CFP: variants seen among roughly 807,000 people sequenced by gnomAD.
CFP encodes the protein properdin.
In CFP, 14 loss-of-function variants were observed where a neutral mutation model predicts 42.1. That is an observed-to-expected ratio of 0.33 (90% CI 0.22 to 0.52). The LOEUF (loss-of-function observed/expected upper bound fraction) is 0.52, where lower values mean the gene tolerates loss of function less well. Among genes scored for constraint, CFP ranks in the 20% least tolerant of loss-of-function variants. The pLI, the probability that CFP is intolerant of heterozygous loss-of-function variation, is 0.96. For missense variants in CFP, 318 were observed against 400.4 expected (o/e 0.79, Z 1.76); for synonymous variants, 149 against 160.6 (o/e 0.93, Z 0.54).
chrX:47,626,705 A>G (rs991221979), intron 6 of CFP, 68 bp downstream of exon 6: 3 of 1,134,322 alleles, frequency 2.6e-6, no homozygotes, highest in African/African-American at 3.6e-5. Flanking sequence ...CCTCAGCAGC[A>G]GGAGCTGGGC....
At position 47,629,591 on chromosome X, in the gene CFP, C is replaced by A; in HGVS notation, c.160G>T (p.Glu54Ter). ...KGLLGGGVSV[E>*]DCCLNTAFAY... ...AAGGCAGTGTTGAGACAGCAGTCTT[C>A]CACGCTGACACCACCCCCCAGGAGG... Residue 54 changes from glutamate to a stop codon, truncating the protein, a stop_gained, in exon 2 of 9, where the codon GAA (glutamate) becomes TAA (stop). Transcript: ENST00000396992. LOFTEE classifies it high-confidence loss of function. 1 of 1,161,468 alleles carries A rather than the reference C, an allele frequency of 8.6e-7. No homozygotes were observed. The highest frequency in any genetic ancestry group is 1.2e-6 in the Non-Finnish European group (1 of 867,861).
At chrX:47,629,228 T>C in intron 2 of CFP, 2 of 326,890 alleles carry the variant, frequency 6.1e-6, no homozygotes, top group Admixed American at 1.0e-4. Context: ...TGGCAATGTC[T>C]GCTGACATGT....
In CFP at chrX:47,624,072, C is replaced by T; in HGVS notation, c.*203G>A. 2.2e-6 allele frequency: 1 copy of T among 452,204 alleles called. No homozygotes were observed. Among genetic ancestry groups the T allele is most frequent in the East Asian group, 3.9e-5 (1 of 25,923 alleles). 37.3% of individuals were successfully genotyped at this position (452,204 alleles called of 1,213,427 possible). ...CGCTTTCACTCCTGCCAACCTGCGA[C>T]CACAGTGGAAAATACTGTTTTCCGC... On this transcript the variant is annotated 3_prime_UTR_variant, in exon 9 of 9. Transcript: ENST00000396992.
In CFP at chrX:47,627,651, A is replaced by G. The variant is rs2057975015; in HGVS notation, c.404-10T>C. The G allele has an allele frequency of 4.2e-6, 5 of 1,189,012 alleles. No individual in the cohort carries two copies. Among genetic ancestry groups the G allele is most frequent in the Non-Finnish European group, 5.7e-6 (5 of 882,893 alleles). ...GACCAGCCGCCCATCTCTGTGGGAG[A>G]GAAGAGAGGGTAATGGGATGGAGGT... On this transcript the variant is annotated splice_polypyrimidine_tract_variant and intron_variant, in intron 3 of 8. Transcript: ENST00000396992.
Position 47,626,877 on chromosome X carries a change from A to G in CFP, c.836T>C (p.Met279Thr). 2 of 1,204,977 alleles carry G rather than the reference A, an allele frequency of 1.7e-6. No individual in the cohort carries two copies. The highest frequency in any genetic ancestry group is 3.6e-5 in the South Asian group (2 of 55,810). Residue 279 changes from methionine (M) to threonine (T), a missense_variant, in exon 6 of 9, where the codon ATG (methionine) becomes ACG (threonine). By Grantham distance (81) the Met-to-Thr change is moderately conservative. Coordinates refer to ENST00000396992, the MANE Select transcript of CFP (RefSeq NM_001145252.3). ...CPVTCGLGQT[M>T]EQRTCNHPVP... ...AGGGTGATTGCACGTCCGTTGTTCC[A>G]TGGTCTGGCCCAGGCCACAGGTCAC...
intron 8 of CFP, chrX:47,625,754 A>C: frequency 2.9e-6 from 1 of 349,761 alleles, no homozygotes; most frequent in Admixed American, 4.4e-5. Context: ...CAGGCAGTGA[A>C]TGGAGGCCTG....
In CFP at chrX:47,627,268, G is replaced by A. The variant is rs2057972969; in HGVS notation, c.639C>T (p.Pro213=). The A allele has an allele frequency of 8.3e-7, 1 of 1,209,411 alleles. No individual in the cohort carries two copies. The highest frequency in any genetic ancestry group is 3.0e-5 in the East Asian group (1 of 33,761). ...GGCTTCGTGTCTCCTTAGGTTCGTG[G>A]GGTCCACCGTGGCAGGAGGCTGAGC... ...TPCSASCHGG[P]HEPKETRSRK... The change falls in exon 5 of 9, where the codon CCC becomes CCT. Residue 213 remains proline (P), a synonymous_variant. Coordinates refer to ENST00000396992, the MANE Select transcript of CFP (RefSeq NM_001145252.3).
intron 8 of CFP, chrX:47,625,408 C>A (rs904665544): frequency 2.5e-5 from 3 of 117,986 alleles, no homozygotes; most frequent in Admixed American, 2.5e-4. Flanking sequence ...TCTCTAACAC[C>A]TGGGCCCCTC....
Position 47,624,276 on chromosome X carries a change from T to TA in CFP, c.1408dup (p.Ter470LeufsTer19), listed in dbSNP as rs765005275. ...GGCTCAGAGTGGAGGAGAGAAGTGTTAGAGTTCCTCTTCCTCAGGGTCTTT... is the reference window on the plus strand; with the variant it reads ...GGCTCAGAGTGGAGGAGAGAAGTGTTAAGAGTTCCTCTTCCTCAGGGTCTTT... On this transcript the variant is annotated frameshift_variant and stop_lost, in exon 9 of 9. Transcript: ENST00000396992. LOFTEE classifies it high-confidence loss of function. 1.7e-6 allele frequency: 2 copies of TA among 1,210,829 alleles called. No homozygotes were observed. The highest frequency in any genetic ancestry group is 3.5e-5 in the South Asian group (2 of 56,956).
chrX:47,626,009 C>T, intron 8 of CFP, 49 bp downstream of exon 8: 4 of 1,040,167 alleles, frequency 3.8e-6, no homozygotes, highest in Non-Finnish European at 5.3e-6. Context: ...GACTCTCCCG[C>T]CTGTAATATA....
At chrX:47,625,441 C>T (rs7060246) in intron 8 of CFP, 19,744 of 123,299 alleles carry the variant, frequency 0.16, 1,871 homozygotes, top group African/African-American at 0.36. Context: ...ACACTTATAG[C>T]GGCTAATCAC....
At chrX:47,630,265 G>A (rs1390917076), upstream of CFP, 1 of 185,577 alleles carries the variant, frequency 5.4e-6, no homozygotes, top group Non-Finnish European at 1.0e-5. Context: ...GGTCAACCTC[G>A]TGGGGGTGTT....
chrX:47,628,280 G>T lies in CFP; in HGVS notation c.228-3C>A. 1 of 1,204,393 alleles carries T rather than the reference G, an allele frequency of 8.3e-7. No individual in the cohort carries two copies. The highest frequency in any genetic ancestry group is 1.8e-5 in the South Asian group (1 of 55,912). The stretch of plus-strand genomic sequence containing the variant: ...ACCACAGGGACCATCGTGGGGACCT[G>T]TGGAGAAGAGCACACACATCCCATC... On this transcript the variant is annotated splice_region_variant and splice_polypyrimidine_tract_variant and intron_variant, in intron 2 of 8. Coordinates refer to ENST00000396992, the MANE Select transcript of CFP (RefSeq NM_001145252.3).
At chrX:47,627,114 A>G in intron 5 of CFP, 27 bp downstream of exon 5, 1 of 1,208,790 alleles carries the variant, frequency 8.3e-7, no homozygotes, top group African/African-American at 1.7e-5. Context: ...CCCCACCAGC[A>G]ACATCAGCAG....
intron 4 of CFP, 49 bp downstream of exon 4, chrX:47,627,422 G>C: frequency 8.3e-7 from 1 of 1,204,677 alleles, no homozygotes; most frequent in South Asian, 1.8e-5. Context: ...TAACCCCGCA[G>C]ACCCACGCTG....
chrX:47,629,698 T>TG, intron 1 of CFP, 24 bp from the exon 2 acceptor site: 1 of 328,720 alleles, frequency 3.0e-6, no homozygotes, highest in African/African-American at 3.4e-5. Context: ...AGGGGATGGG[T>TG]GGGTGGGGCT....
At chrX:47,627,728 C>T in intron 3 of CFP, 87 bp from the exon 4 acceptor site, 1 of 944,023 alleles carries the variant, frequency 1.1e-6, no homozygotes, top group South Asian at 2.4e-5. Flanking sequence ...ATGAGCTAAT[C>T]CTGTCCTTAT....
rs1231904462 is a variant in CFP, at chrX:47,626,537, C to T, written c.941-18G>A. On this transcript the variant is annotated intron_variant, in intron 6 of 8. Coordinates refer to ENST00000396992, the MANE Select transcript of CFP (RefSeq NM_001145252.3). ...CCCATCCACTGCAGAGACAGGGCAACAGGGGATTGGACCAAAGCAGGGAAT... is the reference window on the plus strand; with the variant it reads ...CCCATCCACTGCAGAGACAGGGCAATAGGGGATTGGACCAAAGCAGGGAAT... 1 of 1,209,030 alleles carries T rather than the reference C, an allele frequency of 8.3e-7. No individual in the cohort carries two copies. Among genetic ancestry groups the T allele is most frequent in the East Asian group, 3.0e-5 (1 of 33,836 alleles).
At position 47,626,188 on chromosome X, in the gene CFP, G is replaced by T; in HGVS notation, c.1133-19C>A. 1 of 1,141,696 alleles carries T rather than the reference G, an allele frequency of 8.8e-7. No homozygotes were observed. The highest frequency in any genetic ancestry group is 1.2e-6 in the Non-Finnish European group (1 of 847,907). 94.1% of individuals were successfully genotyped at this position (1,141,696 alleles called of 1,213,427 possible). On this transcript the variant is annotated intron_variant, in intron 7 of 8. Transcript: ENST00000396992. ...CCTTTCACTGCAATGAGGGGTAGGGGTCACAGAGTCAGAACTGGAGGTCTT... is the reference window on the plus strand; with the variant it reads ...CCTTTCACTGCAATGAGGGGTAGGGTTCACAGAGTCAGAACTGGAGGTCTT...
Sources: gnomAD v4.1 joint callset for allele counts on GRCh38, gnomAD v4.1.1 for gene constraint, MANE v1.5 for transcripts, NCBI Gene and HGNC (gene_info 2026-07-23, HGNC 2026-07-21) for gene names.